Variants in SLCO3A1 observed in about 807,000 individuals in gnomAD.
SLCO3A1 encodes the protein PGE1 transporter.
Under a neutral mutation model 63.1 loss-of-function variants are expected in SLCO3A1, and 27 were observed. The observed-to-expected ratio is 0.43, with a 90% CI of 0.32 to 0.59. The LOEUF is 0.59. SLCO3A1 is among the 20% of genes least tolerant of loss of function. The probability of loss-of-function intolerance (pLI) is 0.09; values close to 1 mark genes in which losing one functional copy is unlikely to be tolerated. For synonymous variants in SLCO3A1, 473 were observed against 409.9 expected (o/e 1.15, Z -1.86); for missense variants, 773 against 945.8 (o/e 0.82, Z 2.40).
At chr15:91,913,847 T>C (rs1336704886) in intron 1 of SLCO3A1, among the ~76,000 whole-genome samples, 2 of 152,144 alleles carry the variant, frequency 1.3e-5, no homozygotes, top group African/African-American at 4.8e-5. Context: ...GAAATAGAAC[T>C]CTGCCCTAAA....
chr15:91,971,394 C>CAAAAAAAAAAAAAAAAAAAAAAA (rs796386299), intron 2 of SLCO3A1, among the ~76,000 whole-genome samples: 502 of 39,280 alleles, frequency 0.013, 90 homozygotes, highest in East Asian at 0.031. Context: ...GACTCCATCT[C>CAAAAAAAAAAAAAAAAAAAAAAA]AAAAAAAAAA....
chr15:92,075,622 GAT>G (rs1241977591), intron 2 of SLCO3A1, among the ~76,000 whole-genome samples: 2 of 152,236 alleles, frequency 1.3e-5, no homozygotes, highest in Non-Finnish European at 2.9e-5. Context: ...CTTTCAGACA[GAT>G]AGTTTGGCCA....
chr15:92,027,345 G>GT (rs1390148713), intron 2 of SLCO3A1, among the ~76,000 whole-genome samples: 1 of 152,224 alleles, frequency 6.6e-6, no homozygotes, highest in Non-Finnish European at 1.5e-5. Flanking sequence ...TAAACTTTGT[G>GT]TAAGACACAG....
chr15:92,130,558 T>A (rs1404820977), intron 7 of SLCO3A1, among the ~76,000 whole-genome samples: 1 of 152,150 alleles, frequency 6.6e-6, no homozygotes, highest in Non-Finnish European at 1.5e-5. Flanking sequence ...AGAGCAATGC[T>A]TATCCTGGAA....
At chr15:91,905,518 A>T (rs1567178927) in intron 1 of SLCO3A1, among the ~76,000 whole-genome samples, 2 of 150,870 alleles carry the variant, frequency 1.3e-5, no homozygotes, top group African/African-American at 4.9e-5. Context: ...CTGTGTTGTT[A>T]TTTTTTTTAT....
chr15:91,989,042 T>C (rs1457482347), intron 2 of SLCO3A1, among the ~76,000 whole-genome samples: 1 of 152,222 alleles, frequency 6.6e-6, no homozygotes. Context: ...CTCCGTAACC[T>C]GACTCTTCTT....
intron 2 of SLCO3A1, among the ~76,000 whole-genome samples, chr15:91,981,001 A>C (rs1407053507): frequency 6.6e-6 from 1 of 152,192 alleles, no homozygotes; most frequent in Non-Finnish European, 1.5e-5. Context: ...TTTCTTGTCA[A>C]ACACTGGCTT....
At chr15:92,125,649 C>G (rs1596122980) in intron 5 of SLCO3A1, among the ~76,000 whole-genome samples, 1 of 151,990 alleles carries the variant, frequency 6.6e-6, no homozygotes, top group African/African-American at 2.4e-5. Context: ...TAAATGATCT[C>G]AAGTCCGCTT....
chr15:91,903,847 C>G (rs1240593448), intron 1 of SLCO3A1, among the ~76,000 whole-genome samples: 1 of 152,140 alleles, frequency 6.6e-6, no homozygotes, highest in Admixed American at 6.5e-5. Context: ...AACAGAAGGA[C>G]TGAAGGAGGA....
At chr15:92,167,276 T>G (rs1205305080), downstream of SLCO3A1, among the ~76,000 whole-genome samples, 1 of 152,184 alleles carries the variant, frequency 6.6e-6, no homozygotes, top group Non-Finnish European at 1.5e-5. Flanking sequence ...CTGGCTCCAC[T>G]GGGCTCACGC....
At chr15:91,905,597 C>T (rs1337585762) in intron 1 of SLCO3A1, among the ~76,000 whole-genome samples, 1 of 150,110 alleles carries the variant, frequency 6.7e-6, no homozygotes, top group Non-Finnish European at 1.5e-5. Flanking sequence ...TGGATGGCAG[C>T]CTGTATATAT....
At chr15:92,144,030 G>T (rs1228061327) in intron 7 of SLCO3A1, among the ~76,000 whole-genome samples, 1 of 152,240 alleles carries the variant, frequency 6.6e-6, no homozygotes, top group African/African-American at 2.4e-5. Flanking sequence ...GCGGCGCCAA[G>T]TCGGGAGTGC....
rs978509002 is a variant in SLCO3A1, at chr15:91,894,037, A to C, written c.181-21956A>C. 2.0e-5 allele frequency among the ~76,000 whole-genome samples: 3 copies of C among 152,152 alleles called. No individual in the cohort carries two copies. Among genetic ancestry groups the C allele is most frequent in the Non-Finnish European group, 4.4e-5 (3 of 68,032 alleles). On this transcript the variant is annotated intron_variant, in intron 1 of 9. Coordinates refer to ENST00000318445, the MANE Select transcript of SLCO3A1 (RefSeq NM_013272.4). The surrounding 1 kb of genome is among the most constrained non-coding windows in gnomAD (Gnocchi z 4.8). Reference sequence around the variant, plus strand: ...CTGATCAAAGGAAGCCTTTCTCAGGAGGGGACGTTTGAGCTAAGACCTGCC... The same window carrying C: ...CTGATCAAAGGAAGCCTTTCTCAGGCGGGGACGTTTGAGCTAAGACCTGCC...
At chr15:91,855,637 G>A (rs562066329) in intron 1 of SLCO3A1, among the ~76,000 whole-genome samples, 17 of 152,280 alleles carry the variant, frequency 1.1e-4, no homozygotes, top group Non-Finnish European at 2.2e-4. Flanking sequence ...AGGGATAGGG[G>A]ATAATTGTGT....
chr15:91,898,104 G>A (rs1394656536), intron 1 of SLCO3A1, among the ~76,000 whole-genome samples: 1 of 152,082 alleles, frequency 6.6e-6, no homozygotes, highest in Non-Finnish European at 1.5e-5. Flanking sequence ...GTCATTTCTG[G>A]GGATGCATCT....
chr15:92,077,417 G>A (rs978062353), intron 2 of SLCO3A1, among the ~76,000 whole-genome samples: 9 of 152,162 alleles, frequency 5.9e-5, no homozygotes, highest in East Asian at 3.9e-4. Context: ...CATTTGCCCC[G>A]CCGTGTCCTC....
rs991203124 is a variant in SLCO3A1, at chr15:91,941,930, G to A, written c.646+25472G>A. Among the ~76,000 whole-genome samples, 1 of 152,162 alleles carries A rather than the reference G, an allele frequency of 6.6e-6. No individual in the cohort carries two copies. Among genetic ancestry groups the A allele is most frequent in the South Asian group, 2.1e-4 (1 of 4,834 alleles). ...GGCAGCTCTCAGGCTACAAATGGGG[G>A]CTTGCACCAGCGTACTGGCTGAGGA... On this transcript the variant is annotated intron_variant, in intron 2 of 9. Coordinates refer to ENST00000318445, the MANE Select transcript of SLCO3A1 (RefSeq NM_013272.4). This position sits in a 1 kb window ranked among gnomAD's most constrained non-coding sequence, Gnocchi z 4.4.
At chr15:91,889,066 A>T in intron 1 of SLCO3A1, 1 of 830,866 alleles carries the variant, frequency 1.2e-6, no homozygotes, top group Non-Finnish European at 1.6e-6. Flanking sequence ...TTACTAGCTA[A>T]CATATAGCTA....
chr15:92,054,546 A>C (rs573308366), intron 2 of SLCO3A1, among the ~76,000 whole-genome samples: 1 of 152,250 alleles, frequency 6.6e-6, no homozygotes, highest in South Asian at 2.1e-4. Context: ...TGCACCTGTC[A>C]ACCCATCCCC....
Sources: allele counts gnomAD v4.1 joint callset (sites outside exome capture counted in the v4.1 genomes callset), GRCh38; gene constraint gnomAD v4.1.1; non-coding constraint Gnocchi (gnomAD v3.1); transcripts MANE v1.5; gene names NCBI Gene and HGNC (gene_info 2026-07-23, HGNC 2026-07-21).